The following VRK2 variants were observed in gnomAD, a reference collection of about 807,000 sequenced individuals.
VRK2 encodes serine/threonine-protein kinase VRK2.
VRK2 carries 60 observed loss-of-function variants against 57.6 expected under a neutral mutation model. The ratio of observed to expected loss-of-function variants is 1.04; its 90% CI spans 0.85 to 1.29. The LOEUF is 1.29. VRK2 is among the 50% of genes most tolerant of loss of function. The pLI, the probability that VRK2 is intolerant of heterozygous loss-of-function variation, is 0.00. For synonymous variants in VRK2, 231 were observed against 199.2 expected (o/e 1.16, Z -1.35); for missense variants, 705 against 588.1 (o/e 1.20, Z -2.06).
At chr2:58,085,012 A>G (rs1671424741) in intron 4 of VRK2, 62 bp downstream of exon 4, 4 of 1,466,734 alleles carry the variant, frequency 2.7e-6, no homozygotes, top group African/African-American at 1.4e-5. Flanking sequence ...GAGTGTTGAT[A>G]TTTTGGTCTT....
chr2:57,934,935 A>AT (rs1443726091), intron 1 of VRK2, among the ~76,000 whole-genome samples: 1 of 151,864 alleles, frequency 6.6e-6, no homozygotes, highest in East Asian at 1.9e-4. Context: ...GATGATTTCT[A>AT]TTTTTTAATT....
intron 7 of VRK2, among the ~76,000 whole-genome samples, chr2:58,119,941 G>A (rs1042408631): frequency 4.0e-5 from 6 of 151,546 alleles, no homozygotes; most frequent in Admixed American, 1.3e-4. Flanking sequence ...ATAGCTTTTC[G>A]TGATTATTTG....
intron 1 of VRK2, among the ~76,000 whole-genome samples, chr2:57,969,739 T>C (rs999472494): frequency 6.6e-6 from 1 of 152,148 alleles, no homozygotes; most frequent in African/African-American, 2.4e-5. Flanking sequence ...ACAAAAGCCT[T>C]GAGCTGATTT....
intron 10 of VRK2, among the ~76,000 whole-genome samples, chr2:58,135,809 T>C (rs922982796): frequency 4.6e-5 from 7 of 152,198 alleles, no homozygotes; most frequent in Non-Finnish European, 1.0e-4. Flanking sequence ...CGTCAACTAG[T>C]AATTACCCAC....
At chr2:58,003,103 T>C (rs1045235472) in intron 1 of VRK2, among the ~76,000 whole-genome samples, 3 of 152,188 alleles carry the variant, frequency 2.0e-5, no homozygotes, top group African/African-American at 7.2e-5. Flanking sequence ...ATCCTGATAA[T>C]TGACCATAAC....
At chr2:57,929,490 T>C (rs758102495) in intron 1 of VRK2, among the ~76,000 whole-genome samples, 4 of 152,144 alleles carry the variant, frequency 2.6e-5, no homozygotes, top group Non-Finnish European at 5.9e-5. Flanking sequence ...GTTCTGGAAA[T>C]GCTGTCCAAG....
At chr2:58,055,435 G>C (rs1318308084) in intron 2 of VRK2, among the ~76,000 whole-genome samples, 2 of 152,216 alleles carry the variant, frequency 1.3e-5, no homozygotes, top group Non-Finnish European at 2.9e-5. Context: ...AAGTCAAACA[G>C]CAGCTCCTGT....
At chr2:58,047,449 A>C in intron 1 of VRK2, 1 of 985,318 alleles carries the variant, frequency 1.0e-6, no homozygotes, top group Non-Finnish European at 1.2e-6. Context: ...TGGCAGATGA[A>C]CTCGGGACTC....
At chr2:58,002,337 G>T (rs1211065876) in intron 1 of VRK2, among the ~76,000 whole-genome samples, 3 of 152,116 alleles carry the variant, frequency 2.0e-5, no homozygotes, top group Non-Finnish European at 2.9e-5. Context: ...AATTAGCCAG[G>T]TATGGTGGCA....
intron 1 of VRK2, among the ~76,000 whole-genome samples, chr2:57,969,595 T>C (rs185238531): frequency 6.6e-6 from 1 of 152,006 alleles, no homozygotes; most frequent in Non-Finnish European, 1.5e-5. Flanking sequence ...AAAAATTAAA[T>C]GAATTAAACT....
At chr2:57,991,187 C>T (rs1004131584) in intron 1 of VRK2, among the ~76,000 whole-genome samples, 8 of 152,116 alleles carry the variant, frequency 5.3e-5, no homozygotes, top group African/African-American at 1.7e-4. Context: ...CCAAATTTTG[C>T]TAGTAATTCT....
chr2:58,148,060 G>C lies in VRK2; in HGVS notation c.1182+1586G>C, dbSNP rs1004278202. On this transcript the variant is annotated intron_variant, in intron 12 of 12. Coordinates refer to ENST00000340157, the MANE Select transcript of VRK2 (RefSeq NM_006296.7). The stretch of plus-strand genomic sequence containing the variant: ...CATGTTTCATTTCTCCTGAGATGTA[G>C]AATTGCTGGGTCGTAGGGCAGGTGT... Among the ~76,000 whole-genome samples the C allele has an allele frequency of 6.6e-5, 10 of 151,836 alleles. No homozygotes were observed. The East Asian group carries it at 1.9e-3, about 29-fold the overall frequency.
intron 2 of VRK2, among the ~76,000 whole-genome samples, chr2:58,058,868 T>G (rs1207123940): frequency 1.3e-5 from 2 of 152,034 alleles, no homozygotes; most frequent in Non-Finnish European, 1.5e-5. Context: ...TCTTCTATAT[T>G]TGGACTCTGG....
At chr2:58,158,997 G>A (rs923418246) in intron 12 of VRK2, among the ~76,000 whole-genome samples, 1 of 151,966 alleles carries the variant, frequency 6.6e-6, no homozygotes, top group Non-Finnish European at 1.5e-5. Flanking sequence ...TCTAATTATG[G>A]CTATCTTACC....
chr2:58,113,607 G>A (rs886473015), intron 7 of VRK2, among the ~76,000 whole-genome samples: 2 of 152,130 alleles, frequency 1.3e-5, no homozygotes, highest in Non-Finnish European at 2.9e-5. Context: ...GTCAAAGGGG[G>A]TTGTTCTCTG....
chr2:58,096,578 T>C (rs941421595), intron 7 of VRK2, among the ~76,000 whole-genome samples: 3 of 151,984 alleles, frequency 2.0e-5, no homozygotes, highest in African/African-American at 7.2e-5. Flanking sequence ...TCTCTCTAGT[T>C]ATTTTAAACT....
chr2:58,046,978 C>T (rs1674851872), intron 1 of VRK2, 110 bp downstream of exon 1: 1 of 985,372 alleles, frequency 1.0e-6, no homozygotes, highest in African/African-American at 1.7e-5. Flanking sequence ...ATGCCGGGGA[C>T]TCCGGGCCGT....
intron 1 of VRK2, among the ~76,000 whole-genome samples, chr2:57,934,726 C>T (rs1287337639): frequency 6.6e-6 from 1 of 152,108 alleles, no homozygotes; most frequent in Non-Finnish European, 1.5e-5. Flanking sequence ...TTGATGGTGT[C>T]CCATACCTCC....
chr2:58,130,315 G>GT (rs1258371785), intron 8 of VRK2, among the ~76,000 whole-genome samples: 1 of 152,184 alleles, frequency 6.6e-6, no homozygotes, highest in East Asian at 1.9e-4. Context: ...GAACACATCT[G>GT]TACAAGTGGA....
Sources: gnomAD v4.1 joint callset for allele counts (sites outside exome capture counted in the v4.1 genomes callset) on GRCh38, gnomAD v4.1.1 for gene constraint, MANE v1.5 for transcripts, NCBI Gene and HGNC (gene_info 2026-07-23, HGNC 2026-07-21) for gene names.